OR51B5: variants seen among roughly 807,000 people sequenced by gnomAD.
The protein encoded by OR51B5 is olfactory receptor 51B5.
For missense variants in OR51B5, 456 were observed against 374.6 expected, an observed-to-expected ratio of 1.22 and a Z score of -1.79; for synonymous variants, 186 against 144.8, an observed-to-expected ratio of 1.28 and a Z score of -2.04.
At position 5,454,281 on chromosome 11, in the gene OR51B5, G is replaced by C. The variant is rs1284221386; in HGVS notation, n.84+51288C>G. 8.7e-6 allele frequency: 14 copies of C among 1,614,026 alleles called. No individual in the cohort carries two copies. The highest frequency in any genetic ancestry group is 1.2e-5 in the Non-Finnish European group (14 of 1,180,018). On this transcript the variant is annotated intron_variant and non_coding_transcript_variant, in intron 1 of 4. Transcript: ENST00000415970. ...TGGGGTCTCCACAGTGCACCGCTTTGGGAAGCATGTCCCATGCTACATACA... is the reference window on the plus strand; with the variant it reads ...TGGGGTCTCCACAGTGCACCGCTTTCGGAAGCATGTCCCATGCTACATACA...
chr11:5,447,426 C>G (rs1850782704), intron 1 of OR51B5, among the ~76,000 whole-genome samples: 1 of 152,138 alleles, frequency 6.6e-6, no homozygotes, highest in African/African-American at 2.4e-5. Flanking sequence ...CTTTGGCTTT[C>G]CAGTCTATAG....
intron 1 of OR51B5, among the ~76,000 whole-genome samples, chr11:5,349,699 G>A (rs1849046303): frequency 6.6e-6 from 1 of 151,950 alleles, no homozygotes; most frequent in South Asian, 2.1e-4. Context: ...CTTTAATCCT[G>A]CATAAGCTGA....
intron 1 of OR51B5, among the ~76,000 whole-genome samples, chr11:5,397,749 C>T (rs1415365522): frequency 1.1e-4 from 16 of 151,108 alleles, no homozygotes; most frequent in African/African-American, 3.6e-4. Context: ...GACACATGCA[C>T]ACGTATGTTT....
chr11:5,351,908 T>C (rs370295555), intron 1 of OR51B5: 3 of 1,613,082 alleles, frequency 1.9e-6, no homozygotes, highest in East Asian at 2.2e-5. Context: ...ACCTCTATCC[T>C]GACCAACACC....
intron 1 of OR51B5, among the ~76,000 whole-genome samples, chr11:5,358,068 C>G (rs1340564544): frequency 1.3e-5 from 2 of 151,610 alleles, no homozygotes; most frequent in African/African-American, 2.4e-5. Flanking sequence ...ACCCTAACAT[C>G]ACAATTAAAA....
rs147645829 is a variant in OR51B5, at chr11:5,503,793, A to G, written n.84+1776T>C. Among the ~76,000 whole-genome samples the G allele has an allele frequency of 3.0e-3, 458 of 152,336 alleles. 9 individuals carry two copies. The highest frequency in any genetic ancestry group is 0.012 in the East Asian group (61 of 5,190). ...GCAGGACTCGGGGGTAAAAATTTCAATATCACAAATTCTGCCCTGCTCTAC... is the reference window on the plus strand; with the variant it reads ...GCAGGACTCGGGGGTAAAAATTTCAGTATCACAAATTCTGCCCTGCTCTAC... On this transcript the variant is annotated intron_variant and non_coding_transcript_variant, in intron 1 of 4. Coordinates refer to the OR51B5 transcript ENST00000415970.
At chr11:5,356,233 A>C (rs1420240820) in intron 1 of OR51B5, among the ~76,000 whole-genome samples, 1 of 152,094 alleles carries the variant, frequency 6.6e-6, no homozygotes, top group African/African-American at 2.4e-5. Flanking sequence ...CTTGAAAATA[A>C]ATTAGACTAA....
At chr11:5,461,724 G>T (rs1181715171) in intron 1 of OR51B5, among the ~76,000 whole-genome samples, 1 of 152,194 alleles carries the variant, frequency 6.6e-6, no homozygotes, top group Non-Finnish European at 1.5e-5. Flanking sequence ...GGGTTCTCCT[G>T]CAGGTAGGAT....
At chr11:5,402,771 C>T (rs1451328447) in intron 1 of OR51B5, 7 of 471,390 alleles carry the variant, frequency 1.5e-5, no homozygotes, top group Non-Finnish European at 3.1e-5. Flanking sequence ...TATTGCCCTA[C>T]ATCAACCCAT....
chr11:5,343,697 T>A, upstream of OR51B5: 1 of 515,350 alleles, frequency 1.9e-6, no homozygotes, highest in Non-Finnish European at 3.4e-6. Context: ...TTACTCATAC[T>A]ATTTGTATTC....
At chr11:5,405,846 A>G (rs114444349) in intron 1 of OR51B5, among the ~76,000 whole-genome samples, 1,837 of 152,272 alleles carry the variant, frequency 0.012, 33 homozygotes, top group African/African-American at 0.042. Context: ...GTCTATAACC[A>G]TACCCTAAAT....
chr11:5,454,468 G>A lies in OR51B5; in HGVS notation n.84+51101C>T, dbSNP rs749906949. On this transcript the variant is annotated intron_variant and non_coding_transcript_variant, in intron 1 of 4. Coordinates refer to the OR51B5 transcript ENST00000415970. The stretch of plus-strand genomic sequence containing the variant: ...TTAGAATCTGTTATTTTGGCCATAG[G>A]CTCTCATCAGTAGCATCGTCATCAT... 1.9e-5 allele frequency: 28 copies of A among 1,461,768 alleles called. No individual in the cohort carries two copies. The East Asian group carries it at 2.3e-4, about 12-fold the overall frequency. 90.5% of individuals were successfully genotyped at this position (1,461,768 alleles called of 1,614,324 possible).
chr11:5,364,353 CA>C (rs1169553657), intron 1 of OR51B5, among the ~76,000 whole-genome samples: 3 of 152,074 alleles, frequency 2.0e-5, no homozygotes, highest in African/African-American at 7.2e-5. Flanking sequence ...AAGCCAAATG[CA>C]GAAACAGGAG....
chr11:5,463,446 T>C (rs1851089367), intron 1 of OR51B5, among the ~76,000 whole-genome samples: 1 of 152,226 alleles, frequency 6.6e-6, no homozygotes, highest in Non-Finnish European at 1.5e-5. Context: ...ACCACCTTGA[T>C]ATATCATTTA....
At chr11:5,402,895 G>C (rs1909261) in intron 1 of OR51B5, 14 of 471,098 alleles carry the variant, frequency 3.0e-5, no homozygotes, top group Non-Finnish European at 6.2e-5. Context: ...CTTGAAGCTT[G>C]TCTTTTTCCA....
intron 1 of OR51B5, chr11:5,391,364 T>G (rs1849792888): frequency 6.6e-6 from 1 of 152,198 alleles, no homozygotes; most frequent in Non-Finnish European, 1.5e-5. Flanking sequence ...CATTTCCCGT[T>G]GTAACATTTG....
At chr11:5,500,857 T>A (rs1020759260) in intron 1 of OR51B5, among the ~76,000 whole-genome samples, 3 of 148,296 alleles carry the variant, frequency 2.0e-5, no homozygotes, top group African/African-American at 7.3e-5. Context: ...TGTCATAGCA[T>A]GCATATCCCA....
downstream of OR51B5, among the ~76,000 whole-genome samples, chr11:5,342,290 CAT>C (rs1162464387): frequency 2.6e-5 from 4 of 152,292 alleles, no homozygotes; most frequent in Admixed American, 6.5e-5. Context: ...ATGAAATAAA[CAT>C]ATGTTAGTTA....
intron 1 of OR51B5, among the ~76,000 whole-genome samples, chr11:5,437,896 T>C (rs1051913578): frequency 2.0e-5 from 3 of 152,170 alleles, no homozygotes; most frequent in Admixed American, 6.5e-5. Flanking sequence ...CTCCCTTTTC[T>C]ATCAAGTGGT....
Sources: allele counts gnomAD v4.1 joint callset (sites outside exome capture counted in the v4.1 genomes callset), GRCh38; gene constraint gnomAD v4.1.1; transcripts MANE v1.5; gene names NCBI Gene and HGNC (gene_info 2026-07-23, HGNC 2026-07-21).